HHAT: variants seen among roughly 807,000 people sequenced by gnomAD.
The protein encoded by HHAT is hedgehog acyltransferase, also known as protein-cysteine N-palmitoyltransferase HHAT.
In HHAT, 47 loss-of-function variants were observed where a neutral mutation model predicts 70.8. The ratio of observed to expected loss-of-function variants is 0.66; its 90% CI spans 0.53 to 0.85. HHAT has a LOEUF of 0.85. Ranked by LOEUF, HHAT falls within the 40% of genes least tolerant of loss-of-function variation. The probability of loss-of-function intolerance (pLI) is 0.00; values close to 1 mark genes in which losing one functional copy is unlikely to be tolerated. For synonymous variants in HHAT, 228 were observed against 247.6 expected, an observed-to-expected ratio of 0.92 and a Z score of 0.74; for missense variants, 609 against 604.8, an observed-to-expected ratio of 1.01 and a Z score of -0.07.
intron 2 of HHAT, among the ~76,000 whole-genome samples, chr1:210,356,095 T>A (rs1289731525): frequency 5.7e-5 from 3 of 52,470 alleles, no homozygotes; most frequent in Non-Finnish European, 1.0e-4. Flanking sequence ...TGCTTGGCTA[T>A]TTTTTTTTTT....
intron 9 of HHAT, among the ~76,000 whole-genome samples, chr1:210,550,309 G>A (rs2095517567): frequency 6.7e-6 from 1 of 149,178 alleles, no homozygotes; most frequent in Non-Finnish European, 1.5e-5. Context: ...ACATCCAAAA[G>A]CACATGAAAG....
chr1:210,373,900 G>A (rs1038894297), intron 3 of HHAT, among the ~76,000 whole-genome samples: 2 of 152,144 alleles, frequency 1.3e-5, no homozygotes, highest in Admixed American at 6.5e-5. Context: ...CACTTAAGGG[G>A]GAGTCTCCAA....
intron 1 of HHAT, among the ~76,000 whole-genome samples, chr1:210,347,252 C>CT (rs1474234918): frequency 6.6e-6 from 1 of 152,100 alleles, no homozygotes; most frequent in Non-Finnish European, 1.5e-5. Context: ...GCAGTATTTG[C>CT]TTTTTTGCTC....
chr1:210,402,115 A>G (rs2092104290), intron 5 of HHAT, among the ~76,000 whole-genome samples: 1 of 152,184 alleles, frequency 6.6e-6, no homozygotes, highest in Non-Finnish European at 1.5e-5. Context: ...ACTCTCAACC[A>G]TCCAGAAGTG....
At chr1:210,400,748 CAA>C (rs2092028012) in intron 5 of HHAT, 86 bp downstream of exon 5, 5 of 1,264,880 alleles carry the variant, frequency 4.0e-6, no homozygotes, top group South Asian at 1.5e-5. Context: ...GGTTTTCAGA[CAA>C]GAGATGATTG....
At chr1:210,388,909 A>C (rs1197848604) in intron 4 of HHAT, among the ~76,000 whole-genome samples, 2 of 152,100 alleles carry the variant, frequency 1.3e-5, no homozygotes, top group South Asian at 4.1e-4. Context: ...TACCTCTGTG[A>C]GGGGAAGATG....
intron 10 of HHAT, among the ~76,000 whole-genome samples, chr1:210,620,298 C>T (rs1276901391): frequency 6.6e-6 from 1 of 152,184 alleles, no homozygotes; most frequent in Non-Finnish European, 1.5e-5. Context: ...CTCCTATAAA[C>T]CAGTAGCTGA....
intron 11 of HHAT, among the ~76,000 whole-genome samples, chr1:210,641,057 C>T (rs902416320): frequency 2.0e-5 from 3 of 152,170 alleles, no homozygotes; most frequent in Admixed American, 6.5e-5. Context: ...TGAAAGGAAC[C>T]TTACCTTGTT....
chr1:210,372,239 G>A (rs1298441369), intron 3 of HHAT, among the ~76,000 whole-genome samples: 1 of 152,128 alleles, frequency 6.6e-6, no homozygotes, highest in East Asian at 1.9e-4. Flanking sequence ...GTCCCTAGTC[G>A]GTGTAGCCAA....
chr1:210,363,445 C>T (rs1273463083), intron 3 of HHAT, among the ~76,000 whole-genome samples: 1 of 152,258 alleles, frequency 6.6e-6, no homozygotes, highest in African/African-American at 2.4e-5. Context: ...TGTTCTTTCA[C>T]ATACCCATGT....
intron 9 of HHAT, among the ~76,000 whole-genome samples, chr1:210,563,186 A>T (rs2095640165): frequency 1.3e-5 from 2 of 152,162 alleles, no homozygotes; most frequent in Admixed American, 1.3e-4. Flanking sequence ...GGGAATACAG[A>T]AGGGTACTGG....
chr1:210,498,387 A>G (rs1188103466), intron 8 of HHAT, among the ~76,000 whole-genome samples: 1 of 152,190 alleles, frequency 6.6e-6, no homozygotes, highest in East Asian at 1.9e-4. Context: ...ATCTATTAAA[A>G]ATCCCTGTAG....
At chr1:210,486,335 A>G (rs1413267770) in intron 8 of HHAT, among the ~76,000 whole-genome samples, 1 of 152,226 alleles carries the variant, frequency 6.6e-6, no homozygotes, top group Non-Finnish European at 1.5e-5. Context: ...TCCTAAGACT[A>G]CATTAAGCGA....
chr1:210,651,405 G>T (rs916827843), intron 11 of HHAT, among the ~76,000 whole-genome samples: 1 of 152,186 alleles, frequency 6.6e-6, no homozygotes, highest in African/African-American at 2.4e-5. Context: ...TCCCAGATAT[G>T]AGTAACTGTA....
intron 10 of HHAT, among the ~76,000 whole-genome samples, chr1:210,615,954 T>C (rs1442888236): frequency 6.6e-6 from 1 of 152,260 alleles, no homozygotes; most frequent in South Asian, 2.1e-4. Context: ...ACCACTACTC[T>C]CTTCAAAGCT....
intron 2 of HHAT, among the ~76,000 whole-genome samples, chr1:210,359,354 T>C (rs967553142): frequency 6.6e-6 from 1 of 152,334 alleles, no homozygotes; most frequent in African/African-American, 2.4e-5. Context: ...TTAGGAGTTA[T>C]GTAGCTAGAG....
Position 210,400,580 on chromosome 1 carries a change from A to G in HHAT, c.386A>G (p.Gln129Arg), listed in dbSNP as rs141306397. ...ACCACCATCTCTTTCTGCGTGGCCC[A>G]GTTCCGGTCTCAGCTCCTGACGTGG... Reference protein sequence around the residue: ...LHTTISFCVAQFRSQLLTWLC... With the variant: ...LHTTISFCVARFRSQLLTWLC... Residue 129 changes from glutamine (Q) to arginine (R), a missense_variant, in exon 5 of 12, where the codon CAG becomes CGG. By Grantham distance (43) the Gln-to-Arg change is conservative. Coordinates refer to ENST00000261458, the MANE Select transcript of HHAT (RefSeq NM_018194.6). The G allele has an allele frequency of 1.5e-5, 25 of 1,613,964 alleles. No homozygotes were observed. The Admixed American group carries it at 2.3e-4, about 15-fold the overall frequency.
At chr1:210,452,527 C>T (rs1298125487) in intron 7 of HHAT, among the ~76,000 whole-genome samples, 1 of 152,186 alleles carries the variant, frequency 6.6e-6, no homozygotes, top group East Asian at 1.9e-4. Flanking sequence ...AAGCAAATCC[C>T]AGATATCTTA....
At chr1:210,333,293 C>T (rs987240823) in intron 1 of HHAT, among the ~76,000 whole-genome samples, 6 of 152,142 alleles carry the variant, frequency 3.9e-5, no homozygotes, top group Non-Finnish European at 5.9e-5. Flanking sequence ...CCAGTGCTAG[C>T]ATCACTTGTA....
Sources: allele counts gnomAD v4.1 joint callset (sites outside exome capture counted in the v4.1 genomes callset), GRCh38; gene constraint gnomAD v4.1.1; transcripts MANE v1.5; gene names NCBI Gene and HGNC (gene_info 2026-07-23, HGNC 2026-07-21).